The following RGS3 variants were observed in gnomAD, a reference collection of about 807,000 sequenced individuals.
RGS3 encodes regulator of G protein signaling 3.
In RGS3, 80 loss-of-function variants were observed where a neutral mutation model predicts 132.6. That is an observed-to-expected ratio of 0.60 (90% CI 0.50 to 0.73). The LOEUF (loss-of-function observed/expected upper bound fraction) is 0.73, where lower values mean the gene tolerates loss of function less well. RGS3 is among the 30% of genes least tolerant of loss of function. RGS3 has a pLI of 0.00. For missense variants in RGS3, 1,382 were observed against 1,530.8 expected, an observed-to-expected ratio of 0.90 and a Z score of 1.62; for synonymous variants, 598 against 620.6, an observed-to-expected ratio of 0.96 and a Z score of 0.54.
At chr9:113,594,207 G>T (rs557984621) in intron 21 of RGS3, 40 of 1,612,890 alleles carry the variant, frequency 2.5e-5, no homozygotes, top group Non-Finnish European at 3.1e-5. Context: ...GACGCGGGGT[G>T]GGGGACAGGA....
intron 19 of RGS3, chr9:113,582,614 C>T (rs894197041): frequency 4.6e-5 from 7 of 152,384 alleles, no homozygotes; most frequent in African/African-American, 1.7e-4. Flanking sequence ...CCCCAATCTT[C>T]TGGTGACATA....
In RGS3 at chr9:113,591,633, C is replaced by G. The variant is rs1835435246; in HGVS notation, c.3080+236C>G. On this transcript the variant is annotated intron_variant, in intron 21 of 24. Coordinates refer to ENST00000350696, the Ensembl canonical transcript of RGS3. This position sits in a 1 kb window ranked among gnomAD's most constrained non-coding sequence, Gnocchi z 4.4. Reference sequence around the variant, plus strand: ...AAAGTGCTGATTCAGTACCCGGAAGCCACAGTGAACCAGAAGCAACCAGCC... The same window carrying G: ...AAAGTGCTGATTCAGTACCCGGAAGGCACAGTGAACCAGAAGCAACCAGCC... The G allele has an allele frequency of 2.0e-6, 1 of 507,658 alleles. No homozygotes were observed. Among genetic ancestry groups the G allele is most frequent in the Non-Finnish European group, 3.6e-6 (1 of 278,060 alleles). The allele number at this position is 507,658 out of a possible 1,614,324, so 31.4% of individuals were successfully genotyped here.
chr9:113,538,562 G>A (rs989629400), intron 19 of RGS3, among the ~76,000 whole-genome samples: 1 of 152,150 alleles, frequency 6.6e-6, no homozygotes, highest in African/African-American at 2.4e-5. Flanking sequence ...TCCATCTTCA[G>A]GTTTGGGAGG....
chr9:113,491,541 G>C (rs755874690), intron 7 of RGS3, among the ~76,000 whole-genome samples: 13 of 151,780 alleles, frequency 8.6e-5, no homozygotes, highest in Non-Finnish European at 1.3e-4. Flanking sequence ...ATGAGCCACC[G>C]TGCCCAGGCA....
intron 17 of RGS3, among the ~76,000 whole-genome samples, chr9:113,525,826 C>G (rs1832173419): frequency 6.6e-6 from 1 of 152,200 alleles, no homozygotes; most frequent in African/African-American, 2.4e-5. Context: ...GGTGCCTAAT[C>G]AATGTTTGTT....
At chr9:113,457,352 T>C (rs1458381466), upstream of RGS3, among the ~76,000 whole-genome samples, 2 of 152,154 alleles carry the variant, frequency 1.3e-5, no homozygotes, top group African/African-American at 4.8e-5. Flanking sequence ...TTTGCCTAGC[T>C]CCCCAGATTA....
At chr9:113,468,473 T>C (rs1437616797) in intron 3 of RGS3, among the ~76,000 whole-genome samples, 1 of 152,232 alleles carries the variant, frequency 6.6e-6, no homozygotes, top group Non-Finnish European at 1.5e-5. Context: ...CATTTTGAAA[T>C]CAGGTTGTGT....
chr9:113,469,427 G>A (rs932058817), intron 3 of RGS3, among the ~76,000 whole-genome samples: 4 of 152,186 alleles, frequency 2.6e-5, no homozygotes, highest in Non-Finnish European at 5.9e-5. Context: ...GAGTCCAACT[G>A]CTCAGGAGCT....
chr9:113,472,140 A>T (rs1227859883), intron 3 of RGS3, among the ~76,000 whole-genome samples: 1 of 152,202 alleles, frequency 6.6e-6, no homozygotes, highest in Non-Finnish European at 1.5e-5. Context: ...AGTTGAGGGG[A>T]AATTGGAACC....
At position 113,447,319 on chromosome 9, in the gene RGS3, GTATGTATATGTATA is replaced by G. The variant is rs1201831545; in HGVS notation, c.-13+2396_-13+2409del. Among the ~76,000 whole-genome samples the G allele has an allele frequency of 7.3e-4, 16 of 21,886 alleles. 1 individual carries two copies. The highest frequency in any genetic ancestry group is 8.2e-4 in the African/African-American group (10 of 12,266). The allele number at this position is 21,886 out of a possible 152,430, so 14.4% of individuals were successfully genotyped here. ...AGGGTGTAAACCAATAAATTCTGAT[GTATGTATATGTATA>G]TATATATATATATATATATATATAT... is the stretch of plus-strand genomic sequence containing the variant. On this transcript the variant is annotated intron_variant, in intron 1 of 25. Transcript: ENST00000374140.
intron 3 of RGS3, among the ~76,000 whole-genome samples, chr9:113,473,584 G>C (rs1225613276): frequency 6.6e-6 from 1 of 152,044 alleles, no homozygotes; most frequent in Non-Finnish European, 1.5e-5. Context: ...ACAGAGTCTT[G>C]CTATGTTGCC....
chr9:113,591,499 G>A lies in RGS3; in HGVS notation c.3080+102G>A. The A allele has an allele frequency of 1.9e-6, 2 of 1,042,670 alleles. No individual in the cohort carries two copies. The highest frequency in any genetic ancestry group is 3.0e-6 in the Non-Finnish European group (2 of 670,176). 64.6% of individuals were successfully genotyped at this position (1,042,670 alleles called of 1,614,324 possible). A position where few individuals can be genotyped will look rare whatever the true frequency, so the allele number is the denominator to read the frequency against. ...AGGTGGGGAGAAGAGGTTGTGCCTG[G>A]TCCCGCCCACAACCCCAGACAGACA... On this transcript the variant is annotated intron_variant, in intron 21 of 24. Transcript: ENST00000350696. The surrounding 1 kb of genome is among the most constrained non-coding windows in gnomAD (Gnocchi z 4.4).
intron 19 of RGS3, among the ~76,000 whole-genome samples, chr9:113,566,921 G>T (rs1167036736): frequency 6.6e-6 from 1 of 152,252 alleles, no homozygotes; most frequent in African/African-American, 2.4e-5. Context: ...CCCAGCCAAG[G>T]GGCACCTCCC....
chr9:113,468,497 T>C (rs541367402), intron 3 of RGS3, among the ~76,000 whole-genome samples: 2 of 152,354 alleles, frequency 1.3e-5, no homozygotes, highest in South Asian at 4.1e-4. Flanking sequence ...TCCTCCAATT[T>C]TGTTCTTCTC....
intron 17 of RGS3, among the ~76,000 whole-genome samples, chr9:113,524,931 G>A (rs1017543915): frequency 6.6e-6 from 1 of 152,236 alleles, no homozygotes; most frequent in Admixed American, 6.5e-5. Flanking sequence ...GGTGGGTGGT[G>A]TGGGGCCTTG....
At chr9:113,501,585 C>G (rs1251512904) in intron 10 of RGS3, 1 of 1,556,090 alleles carries the variant, frequency 6.4e-7, no homozygotes, top group Non-Finnish European at 8.7e-7. Context: ...CCATGAACCG[C>G]TTCAATGGGC....
chr9:113,579,072 T>C lies in RGS3; in HGVS notation c.2038-4378T>C, dbSNP rs954623878. ...ACCCTGAGACAGAGGCAAACCCCAG[T>C]TTACACCCCCCCAGTGCAGGAAGTG... On this transcript the variant is annotated intron_variant, in intron 19 of 24. Transcript: ENST00000350696. This position sits in a 1 kb window ranked among gnomAD's most constrained non-coding sequence, Gnocchi z 4.3. 6.7e-6 allele frequency among the ~76,000 whole-genome samples: 1 copy of C among 149,084 alleles called. No homozygotes were observed. Among genetic ancestry groups the C allele is most frequent in the East Asian group, 1.9e-4 (1 of 5,170 alleles).
chr9:113,458,047 C>T (rs541321583), upstream of RGS3, among the ~76,000 whole-genome samples: 6 of 152,288 alleles, frequency 3.9e-5, no homozygotes, highest in East Asian at 1.2e-3. Context: ...TGTAAAAATA[C>T]TAATAAAATA....
intron 13 of RGS3, among the ~76,000 whole-genome samples, chr9:113,508,318 G>C (rs1564504064): frequency 6.6e-6 from 1 of 152,148 alleles, no homozygotes; most frequent in Non-Finnish European, 1.5e-5. Context: ...CTTGCCAAGG[G>C]GTTAGGCTTC....
Sources: gnomAD v4.1 joint callset for allele counts (sites outside exome capture counted in the v4.1 genomes callset) on GRCh38, gnomAD v4.1.1 for gene constraint, Gnocchi (gnomAD v3.1) non-coding constraint, MANE v1.5 for transcripts, NCBI Gene and HGNC (gene_info 2026-07-23, HGNC 2026-07-21) for gene names.